PPP2R3C: variants seen among roughly 807,000 people sequenced by gnomAD.
The protein encoded by PPP2R3C is serine/threonine-protein phosphatase 2A regulatory subunit B'' subunit gamma.
A neutral mutation model predicts 63.7 loss-of-function variants in PPP2R3C; 47 were observed. The observed-to-expected ratio is 0.74, with a 90% CI of 0.58 to 0.94. PPP2R3C has a LOEUF of 0.94. PPP2R3C is among the 40% of genes least tolerant of loss of function. PPP2R3C has a pLI of 0.00. For synonymous variants in PPP2R3C, 180 were observed against 177.4 expected (o/e 1.01, Z -0.12); for missense variants, 421 against 518.4 (o/e 0.81, Z 1.82).
intron 6 of PPP2R3C, among the ~76,000 whole-genome samples, chr14:35,102,932 G>T (rs2138662661): frequency 6.6e-6 from 1 of 152,116 alleles, no homozygotes; most frequent in East Asian, 1.9e-4. Flanking sequence ...GCTAATTTTT[G>T]TATTTTTAGT....
At chr14:35,096,817 C>T in intron 7 of PPP2R3C, 53 bp from the exon 8 acceptor site, 1 of 1,469,398 alleles carries the variant, frequency 6.8e-7, no homozygotes, top group Non-Finnish European at 9.1e-7. Flanking sequence ...AAGAGCAACT[C>T]AATTAATTAA....
chr14:35,108,269 G>T, intron 4 of PPP2R3C, 33 bp from the exon 5 acceptor site: 2 of 1,536,418 alleles, frequency 1.3e-6, no homozygotes. Context: ...TAAATGATCT[G>T]CCAACATAAA....
At chr14:35,120,660 G>C (rs1432613418) in intron 1 of PPP2R3C, among the ~76,000 whole-genome samples, 1 of 152,130 alleles carries the variant, frequency 6.6e-6, no homozygotes, top group Non-Finnish European at 1.5e-5. Flanking sequence ...GTGTAAAAGA[G>C]TGTTGCCTGG....
chr14:35,112,724 CA>C (rs1164391857), intron 2 of PPP2R3C: 1 of 152,178 alleles, frequency 6.6e-6, no homozygotes, highest in Non-Finnish European at 1.5e-5. Flanking sequence ...AACATCAACA[CA>C]GACTTTAAGT....
intron 6 of PPP2R3C, chr14:35,106,467 G>C (rs373427127): frequency 6.6e-6 from 1 of 152,200 alleles, no homozygotes; most frequent in African/African-American, 2.4e-5. Context: ...TCAGCCCCTT[G>C]AATAGCTGGG....
At chr14:35,097,129 C>T (rs571502534) in intron 7 of PPP2R3C, among the ~76,000 whole-genome samples, 70 of 152,066 alleles carry the variant, frequency 4.6e-4, no homozygotes, top group African/African-American at 1.4e-3. Context: ...GCAGGAGAAT[C>T]GCTTGAACCT....
rs116337159 is a variant in PPP2R3C at position 35,116,387 on chromosome 14, G to C, written c.186+223C>G. Among the ~76,000 whole-genome samples the C allele has an allele frequency of 5.7e-3, 866 of 152,138 alleles. 9 individuals are homozygous for C. The highest frequency in any genetic ancestry group is 0.02 in the African/African-American group (818 of 41,480). ...CTGCTTCAGCCTCCTGAGAAGCTAG[G>C]ACTACAGGCATGCATCACCATGTCC... On this transcript the variant is annotated intron_variant, in intron 2 of 12. Coordinates refer to ENST00000261475, the MANE Select transcript of PPP2R3C (RefSeq NM_017917.4).
At chr14:35,093,892 C>T (rs1266950686) in intron 10 of PPP2R3C, among the ~76,000 whole-genome samples, 1 of 152,144 alleles carries the variant, frequency 6.6e-6, no homozygotes, top group Non-Finnish European at 1.5e-5. Flanking sequence ...ACCTTGTGAT[C>T]CACCCGCCTC....
At chr14:35,087,234 T>C (rs1283536279) in intron 12 of PPP2R3C, 18 of 152,176 alleles carry the variant, frequency 1.2e-4, no homozygotes. Flanking sequence ...CTAATCTTTT[T>C]GTAGTAAAAT....
intron 6 of PPP2R3C, among the ~76,000 whole-genome samples, chr14:35,104,541 G>A (rs1270382063): frequency 6.6e-6 from 1 of 152,094 alleles, no homozygotes; most frequent in Non-Finnish European, 1.5e-5. Context: ...AGCCTGAGGT[G>A]AAAAGTAAGT....
At chr14:35,117,881 A>G (rs896176717) in intron 1 of PPP2R3C, among the ~76,000 whole-genome samples, 1 of 151,944 alleles carries the variant, frequency 6.6e-6, no homozygotes, top group Non-Finnish European at 1.5e-5. Context: ...TTTAGTAGAG[A>G]TGGGGCTTCT....
chr14:35,103,813 CT>C (rs1428781118), intron 6 of PPP2R3C, among the ~76,000 whole-genome samples: 5 of 152,172 alleles, frequency 3.3e-5, no homozygotes, highest in African/African-American at 1.2e-4. Flanking sequence ...GTGAATAAAA[CT>C]TTGTATACTC....
At chr14:35,105,372 G>A (rs1350162860) in intron 6 of PPP2R3C, among the ~76,000 whole-genome samples, 4 of 151,536 alleles carry the variant, frequency 2.6e-5, no homozygotes, top group East Asian at 2.0e-4. Flanking sequence ...TAGTAGAGAC[G>A]GGGTTTCTCC....
intron 11 of PPP2R3C, among the ~76,000 whole-genome samples, chr14:35,090,239 T>G (rs1432532572): frequency 1.3e-5 from 1 of 74,136 alleles, no homozygotes; most frequent in Admixed American, 1.4e-4. Context: ...TAGTTGTAGT[T>G]TTTTTTTTTT....
At chr14:35,110,199 C>G (rs1595118483) in intron 3 of PPP2R3C, 1 of 444,456 alleles carries the variant, frequency 2.2e-6, no homozygotes, top group East Asian at 3.9e-5. Context: ...AATCGAAGCA[C>G]AGAGATGTTA....
intron 6 of PPP2R3C, 174 bp from the exon 7 acceptor site, chr14:35,099,558 AT>A: frequency 2.4e-6 from 2 of 820,206 alleles, no homozygotes; most frequent in South Asian, 4.8e-5. Flanking sequence ...TTGTTTTAGC[AT>A]TTTTGAAAAG....
Position 35,096,571 on chromosome 14 carries a change from G to A in PPP2R3C, c.825C>T (p.Ala275=). The A allele has an allele frequency of 6.2e-7, 1 of 1,612,926 alleles. No homozygotes were observed. Among genetic ancestry groups the A allele is most frequent in the East Asian group, 2.2e-5 (1 of 44,812 alleles). The change falls in exon 9 of 13, where the codon GCC becomes GCT. Residue 275 remains alanine, a synonymous_variant. Coordinates refer to ENST00000261475, the MANE Select transcript of PPP2R3C (RefSeq NM_017917.4). The stretch of plus-strand genomic sequence containing the variant: ...ATAGGAACATACCATAAACTCTTAG[G>A]GCAGAAGGAGCAGAAAACCAATTTG... The part of the protein sequence containing the change: ...QETNWFSAPS[A]LRVYGQYLNL...
chr14:35,121,715 C>G, intron 1 of PPP2R3C, 187 bp downstream of exon 1: 1 of 605,660 alleles, frequency 1.7e-6, no homozygotes, highest in East Asian at 2.8e-5. Flanking sequence ...CCTCTAGATT[C>G]TGCCCCAGGA....
chr14:35,110,176 C>T, intron 3 of PPP2R3C: 1 of 459,082 alleles, frequency 2.2e-6, no homozygotes, highest in Non-Finnish European at 3.9e-6. Context: ...GCTATCCCTA[C>T]TTTAGAGATG....
Sources: gnomAD v4.1 joint callset for allele counts (sites outside exome capture counted in the v4.1 genomes callset) on GRCh38, gnomAD v4.1.1 for gene constraint, MANE v1.5 for transcripts, NCBI Gene and HGNC (gene_info 2026-07-23, HGNC 2026-07-21) for gene names.